CREB5: variants seen among roughly 807,000 people sequenced by gnomAD.
CREB5 encodes the protein cAMP responsive element binding protein 5, also known as cyclic AMP-responsive element-binding protein 5.
CREB5 carries 19 observed loss-of-function variants against 57.1 expected under a neutral mutation model. The ratio of observed to expected loss-of-function variants is 0.33; its 90% CI spans 0.23 to 0.49. The LOEUF (loss-of-function observed/expected upper bound fraction) is 0.49, where lower values mean the gene tolerates loss of function less well. Among genes scored for constraint, CREB5 ranks in the 20% least tolerant of loss-of-function variants. The pLI, the probability that CREB5 is intolerant of heterozygous loss-of-function variation, is 0.99. For synonymous variants in CREB5, 238 were observed against 238.3 expected, an observed-to-expected ratio of 1.00 and a Z score of 0.01; for missense variants, 579 against 671.6, an observed-to-expected ratio of 0.86 and a Z score of 1.52.
At chr7:28,734,023 A>C (rs1306247114) in intron 7 of CREB5, among the ~76,000 whole-genome samples, 1 of 152,132 alleles carries the variant, frequency 6.6e-6, no homozygotes, top group Non-Finnish European at 1.5e-5. Flanking sequence ...AATTCCCCAG[A>C]TATCTACGTT....
At chr7:28,811,691 A>G (rs923510433) in intron 9 of CREB5, among the ~76,000 whole-genome samples, 1 of 152,220 alleles carries the variant, frequency 6.6e-6, no homozygotes, top group Non-Finnish European at 1.5e-5. Context: ...AACATTAATA[A>G]TCATATTTTA....
chr7:28,792,663 A>C (rs1213290388), intron 7 of CREB5, among the ~76,000 whole-genome samples: 2 of 152,204 alleles, frequency 1.3e-5, no homozygotes, highest in Non-Finnish European at 2.9e-5. Flanking sequence ...AAAGAAGAAA[A>C]GATTCCGTAT....
chr7:28,662,675 C>T (rs915313673), intron 5 of CREB5, among the ~76,000 whole-genome samples: 1 of 152,162 alleles, frequency 6.6e-6, no homozygotes, highest in Non-Finnish European at 1.5e-5. Context: ...TGTGAATATG[C>T]TGGGAGGCGC....
intron 4 of CREB5, among the ~76,000 whole-genome samples, chr7:28,566,227 A>T (rs1237053818): frequency 1.3e-5 from 2 of 152,244 alleles, no homozygotes; most frequent in African/African-American, 4.8e-5. Flanking sequence ...GCATTTTTGG[A>T]GGCCAGATCA....
At chr7:28,680,717 C>A (rs1313743410) in intron 5 of CREB5, among the ~76,000 whole-genome samples, 1 of 151,484 alleles carries the variant, frequency 6.6e-6, no homozygotes, top group Non-Finnish European at 1.5e-5. Flanking sequence ...TGAAATCATG[C>A]CACTGCACTC....
intron 1 of CREB5, among the ~76,000 whole-genome samples, chr7:28,476,136 A>T (rs1791059701): frequency 6.6e-6 from 1 of 152,176 alleles, no homozygotes. Context: ...TGGAACACAG[A>T]CCTGTCTCCG....
At chr7:28,469,394 T>C (rs1015071891) in intron 1 of CREB5, among the ~76,000 whole-genome samples, 1 of 152,136 alleles carries the variant, frequency 6.6e-6, no homozygotes, top group Non-Finnish European at 1.5e-5. Flanking sequence ...ATTGGAGAAA[T>C]TAGCTGGGGC....
At chr7:28,773,985 A>G (rs1806483258) in intron 7 of CREB5, among the ~76,000 whole-genome samples, 1 of 152,258 alleles carries the variant, frequency 6.6e-6, no homozygotes, top group South Asian at 2.1e-4. Flanking sequence ...TGCCCAGGTC[A>G]TTTCTCTCCT....
intron 4 of CREB5, among the ~76,000 whole-genome samples, chr7:28,556,849 A>G (rs1283481688): frequency 6.6e-6 from 1 of 152,208 alleles, no homozygotes; most frequent in Non-Finnish European, 1.5e-5. Flanking sequence ...GACACTGGGC[A>G]TCTATTCTCC....
chr7:28,339,714 C>T (rs1785896374), intron 1 of CREB5, among the ~76,000 whole-genome samples: 1 of 152,202 alleles, frequency 6.6e-6, no homozygotes, highest in Admixed American at 6.5e-5. Flanking sequence ...TGTGTACTTC[C>T]CTTCATGCTG....
At chr7:28,324,833 C>T (rs1469755693) in intron 1 of CREB5, among the ~76,000 whole-genome samples, 1 of 152,196 alleles carries the variant, frequency 6.6e-6, no homozygotes, top group Non-Finnish European at 1.5e-5. Context: ...TACTTTCTTT[C>T]CCTCCCAAAT....
chr7:28,491,169 A>G (rs1357715797), intron 2 of CREB5: 4 of 981,824 alleles, frequency 4.1e-6, no homozygotes, highest in East Asian at 1.1e-4. Context: ...GCGGAGTGAT[A>G]TAACGGTAGC....
At chr7:28,485,405 A>C (rs1008475369) in intron 1 of CREB5, among the ~76,000 whole-genome samples, 5 of 152,162 alleles carry the variant, frequency 3.3e-5, no homozygotes, top group African/African-American at 1.2e-4. Flanking sequence ...GTGGCATCCA[A>C]GAAAGACTCA....
intron 3 of CREB5, among the ~76,000 whole-genome samples, chr7:28,499,629 G>A: frequency 6.6e-6 from 1 of 152,276 alleles, no homozygotes; most frequent in East Asian, 1.9e-4. Flanking sequence ...CGTTGCCCAG[G>A]CTGGAGTGCA....
intron 7 of CREB5, among the ~76,000 whole-genome samples, chr7:28,791,681 G>T (rs755627000): frequency 2.5e-4 from 38 of 152,196 alleles, no homozygotes; most frequent in Non-Finnish European, 4.4e-4. Context: ...TTTGGAGTCA[G>T]AAAAGAAATT....
intron 1 of CREB5, among the ~76,000 whole-genome samples, chr7:28,473,266 G>A (rs754894138): frequency 2.0e-5 from 3 of 152,054 alleles, no homozygotes; most frequent in South Asian, 2.1e-4. Context: ...AGGGTGTAGC[G>A]GGCTGCGAAG....
At chr7:28,724,141 A>T (rs2128749035) in intron 6 of CREB5, 81 bp from the exon 7 acceptor site, 1 of 1,206,390 alleles carries the variant, frequency 8.3e-7, no homozygotes, top group South Asian at 1.4e-5. Flanking sequence ...TAAACGATCC[A>T]TTGGACAGAA....
intron 4 of CREB5, among the ~76,000 whole-genome samples, chr7:28,536,095 C>T (rs1203943116): frequency 6.6e-6 from 1 of 152,096 alleles, no homozygotes; most frequent in Non-Finnish European, 1.5e-5. Context: ...TTGATTTCCC[C>T]ATCTATGTTG....
intron 4 of CREB5, among the ~76,000 whole-genome samples, chr7:28,554,480 G>A (rs1794783185): frequency 6.6e-6 from 1 of 152,204 alleles, no homozygotes; most frequent in Admixed American, 6.5e-5. Context: ...TGTTCCTGTT[G>A]GGGTGGAGCC....
Sources: gnomAD v4.1 joint callset for allele counts (sites outside exome capture counted in the v4.1 genomes callset) on GRCh38, gnomAD v4.1.1 for gene constraint, MANE v1.5 for transcripts, NCBI Gene and HGNC (gene_info 2026-07-23, HGNC 2026-07-21) for gene names.